Variants in PRSS38 observed in about 807,000 individuals in gnomAD.
The protein encoded by PRSS38 is serine protease 38, also known as marapsin 2.
PRSS38 carries 22 observed loss-of-function variants against 26.8 expected under a neutral mutation model. The ratio of observed to expected loss-of-function variants is 0.82; its 90% CI spans 0.59 to 1.17. The LOEUF (loss-of-function observed/expected upper bound fraction) is 1.17. PRSS38 is among the 50% of genes most tolerant of loss of function. PRSS38 has a pLI of 0.00. For synonymous variants in PRSS38, 175 were observed against 172.1 expected (o/e 1.02, Z -0.13); for missense variants, 427 against 422.7 (o/e 1.01, Z -0.09).
At chr1:227,846,215 G>T (rs757854220) in exon 5 of PRSS38, 1 of 1,606,350 alleles carries the variant, frequency 6.2e-7, no homozygotes, top group South Asian at 1.1e-5. Context: ...GTGAGGTCAG[G>T]ATACCCACTC....
chr1:227,817,116 T>A (rs1411854405), intron 2 of PRSS38, 93 bp from the exon 3 acceptor site: 1 of 1,322,722 alleles, frequency 7.6e-7, no homozygotes, highest in Non-Finnish European at 1.1e-6. Flanking sequence ...TCCCACCGAG[T>A]GAGTGCCAGC....
chr1:227,844,272 G>A (rs138711235), intron 3 of PRSS38, among the ~76,000 whole-genome samples: 520 of 151,998 alleles, frequency 3.4e-3, no homozygotes, highest in East Asian at 0.016. Flanking sequence ...ATCTGTGGTC[G>A]GGACTTCATT....
chr1:227,821,124 G>A (rs1252951648), intron 3 of PRSS38, among the ~76,000 whole-genome samples: 1 of 152,142 alleles, frequency 6.6e-6, no homozygotes, highest in Non-Finnish European at 1.5e-5. Context: ...ACTTATGAGT[G>A]AGAACATGTG....
At position 227,825,683 on chromosome 1, in the gene PRSS38, G is replaced by T. The variant is rs191707884; in HGVS notation, c.583+8203G>T. 7.2e-5 allele frequency among the ~76,000 whole-genome samples: 11 copies of T among 152,262 alleles called. 1 individual carries two copies. The East Asian group carries it at 2.1e-3, about 29-fold the overall frequency. ...TTGCCGGGTTTGTTGAAGATCAGAT[G>T]ATTGTAGGTGTGCAGTCTTATTTCT... On this transcript the variant is annotated intron_variant, in intron 3 of 4. Coordinates refer to ENST00000366757, the Ensembl canonical transcript of PRSS38.
intron 3 of PRSS38, among the ~76,000 whole-genome samples, chr1:227,834,156 C>T (rs1665202995): frequency 6.6e-6 from 1 of 152,128 alleles, no homozygotes; most frequent in Admixed American, 6.5e-5. Flanking sequence ...AAGAAGGATC[C>T]TCCCTGAGAC....
chr1:227,845,393 T>C, intron 3 of PRSS38, 77 bp from the exon 4 acceptor site: 1 of 989,144 alleles, frequency 1.0e-6, no homozygotes, highest in South Asian at 1.5e-5. Context: ...ATCCCCTTGG[T>C]GTCCACTGTG....
At chr1:227,818,911 T>C (rs1664962081) in intron 3 of PRSS38, among the ~76,000 whole-genome samples, 1 of 152,188 alleles carries the variant, frequency 6.6e-6, no homozygotes, top group South Asian at 2.1e-4. Flanking sequence ...CGGGTATAAA[T>C]GATTACTCTG....
chr1:227,838,233 G>A (rs542952065), intron 3 of PRSS38, among the ~76,000 whole-genome samples: 15 of 152,254 alleles, frequency 9.9e-5, no homozygotes, highest in Admixed American at 3.9e-4. Context: ...TTCTAGAAGC[G>A]TTTTGAATTT....
chr1:227,829,513 C>T (rs1195517533), intron 3 of PRSS38, among the ~76,000 whole-genome samples: 1 of 152,052 alleles, frequency 6.6e-6, no homozygotes, highest in Admixed American at 6.5e-5. Flanking sequence ...GCTCATGGGC[C>T]TTAGGCAGTA....
chr1:227,846,303 T>A (rs2102688607), exon 5 of PRSS38: 1 of 1,494,908 alleles, frequency 6.7e-7, no homozygotes, highest in East Asian at 2.3e-5. Context: ...CTGGCCTCTC[T>A]GAAGCAGACA....
intron 3 of PRSS38, among the ~76,000 whole-genome samples, chr1:227,824,698 A>G (rs2102675940): frequency 6.6e-6 from 1 of 152,248 alleles, no homozygotes; most frequent in African/African-American, 2.4e-5. Context: ...AATGTAAAAA[A>G]TGTTCCTTTG....
At chr1:227,823,100 C>T (rs7410918) in intron 3 of PRSS38, among the ~76,000 whole-genome samples, 72,032 of 151,898 alleles carry the variant, frequency 0.47, 18,441 homozygotes, top group Middle Eastern at 0.59. Flanking sequence ...TCCCATCCTC[C>T]TACCTTGCTG....
chr1:227,817,354 C>G lies in PRSS38; in HGVS notation c.457C>G (p.Leu153Val), dbSNP rs775100116. ...CCACCCCATCGGAGGTGACGTGGCC[C>G]TGGTGCAGCTGAAGACCCGCATTGT... The change falls in exon 3 of 5, where the codon CTG (leucine) becomes GTG (valine). Residue 153 changes from leucine to valine, a missense_variant. Leu to Val is a conservative substitution (Grantham distance 32, BLOSUM62 1). Coordinates refer to ENST00000366757, the Ensembl canonical transcript of PRSS38. 1.7e-5 allele frequency: 27 copies of G among 1,614,088 alleles called. No homozygotes were observed. The highest frequency in any genetic ancestry group is 2.2e-5 in the Non-Finnish European group (26 of 1,180,052).
chr1:227,824,920 T>G (rs1048494660), intron 3 of PRSS38, among the ~76,000 whole-genome samples: 3 of 151,914 alleles, frequency 2.0e-5, no homozygotes. Flanking sequence ...GGGCTGTTTG[T>G]TTTTTTTCTT....
intron 4 of PRSS38, 118 bp from the exon 5 acceptor site, chr1:227,845,836 G>A (rs1453408131): frequency 7.1e-7 from 1 of 1,406,706 alleles, no homozygotes; most frequent in Non-Finnish European, 9.7e-7. Flanking sequence ...GTGAGAGGGG[G>A]GCACTGGCCC....
chr1:227,845,349 T>C, intron 3 of PRSS38, 121 bp from the exon 4 acceptor site: 1 of 670,658 alleles, frequency 1.5e-6, no homozygotes, highest in Non-Finnish European at 2.5e-6. Context: ...TCAGGGCTCC[T>C]TCCTACGTAT....
intron 3 of PRSS38, among the ~76,000 whole-genome samples, chr1:227,843,341 A>G (rs757430725): frequency 3.9e-5 from 6 of 152,056 alleles, no homozygotes; most frequent in Non-Finnish European, 8.8e-5. Context: ...TTCCTCTTTC[A>G]TTTTCCCTCT....
At chr1:227,824,673 TACACTCCC>T (rs1242048174) in intron 3 of PRSS38, among the ~76,000 whole-genome samples, 1 of 152,220 alleles carries the variant, frequency 6.6e-6, no homozygotes, top group Admixed American at 6.5e-5. Flanking sequence ...TGAACTAATT[TACACTCCC>T]ACCAACAATG....
chr1:227,841,417 C>A (rs1306579329), intron 3 of PRSS38, among the ~76,000 whole-genome samples: 1 of 152,252 alleles, frequency 6.6e-6, no homozygotes, highest in East Asian at 1.9e-4. Flanking sequence ...ATGAGAGGAA[C>A]CGCAAGACAT....
Sources: gnomAD v4.1 joint callset for allele counts (sites outside exome capture counted in the v4.1 genomes callset) on GRCh38, gnomAD v4.1.1 for gene constraint, MANE v1.5 for transcripts, NCBI Gene and HGNC (gene_info 2026-07-23, HGNC 2026-07-21) for gene names.